Variants in TASOR2 observed in about 807,000 individuals in gnomAD.
TASOR2 encodes the protein protein TASOR 2.
In TASOR2, 84 loss-of-function variants were observed where a neutral mutation model predicts 199.5. The ratio of observed to expected loss-of-function variants is 0.42; its 90% CI spans 0.35 to 0.50. The LOEUF (loss-of-function observed/expected upper bound fraction) is 0.50, where lower values mean the gene tolerates loss of function less well. TASOR2 is among the 20% of genes least tolerant of loss of function. The probability of loss-of-function intolerance (pLI) is 0.02; values close to 1 mark genes in which losing one functional copy is unlikely to be tolerated. For synonymous variants in TASOR2, 1,103 were observed against 1,046.6 expected, an observed-to-expected ratio of 1.05 and a Z score of -1.04; for missense variants, 2,796 against 2,835.9, an observed-to-expected ratio of 0.99 and a Z score of 0.32.
chr10:5,724,576 T>A, intron 8 of TASOR2, 43 bp downstream of exon 9: 1 of 662,770 alleles, frequency 1.5e-6, no homozygotes, highest in South Asian at 2.6e-5. Flanking sequence ...TGTTTTTCTT[T>A]AATTGATATA....
rs1160925173 is a variant in TASOR2, at chr10:5,690,761, A to G, written c.-288+5586A>G. Among the ~76,000 whole-genome samples, 1 of 152,218 alleles carries G rather than the reference A, an allele frequency of 6.6e-6. No homozygotes were observed. The highest frequency in any genetic ancestry group is 1.5e-5 in the Non-Finnish European group (1 of 68,046). On this transcript the variant is annotated intron_variant, in intron 1 of 20. Coordinates refer to ENST00000328090, the Ensembl canonical transcript of TASOR2. This position sits in a 1 kb window ranked among gnomAD's most constrained non-coding sequence, Gnocchi z 4.8. ...TTAATGAATACGATACAACCATTTT[A>G]TACAGGCAAAAGATGGTTTAATGCC... is the stretch of plus-strand genomic sequence containing the variant.
intron 14 of TASOR2, among the ~76,000 whole-genome samples, chr10:5,744,409 T>G (rs551332073): frequency 1.3e-5 from 2 of 152,326 alleles, no homozygotes; most frequent in African/African-American, 2.4e-5. Context: ...TTCAACTGAT[T>G]CTCCTGCCTC....
rs369547597 is a variant in TASOR2 at position 5,739,593 on chromosome 10, CTT to C, written c.1448-16_1448-15del. On this transcript the variant is annotated intron_variant, in intron 12 of 20. Coordinates refer to ENST00000328090, the Ensembl canonical transcript of TASOR2. ...AATTCTATGACAAGCAAACATCTCT[CTT>C]TTTTTTTTCTTTTATACTGAAGTCA... The C allele has an allele frequency of 1.6e-5, 23 of 1,422,888 alleles. 1 individual carries two copies. In the South Asian group the frequency reaches 2.6e-4, roughly 16 times the overall value. The allele number at this position is 1,422,888 out of a possible 1,614,324, so 88.1% of individuals were successfully genotyped here.
At chr10:5,692,359 G>C (rs756992274) in intron 1 of TASOR2, among the ~76,000 whole-genome samples, 6 of 152,192 alleles carry the variant, frequency 3.9e-5, no homozygotes, top group Non-Finnish European at 8.8e-5. Flanking sequence ...GAGATTGATA[G>C]ATATCCTTAC....
intron 14 of TASOR2, chr10:5,743,779 G>A (rs1836767009): frequency 6.6e-6 from 1 of 152,182 alleles, no homozygotes; most frequent in African/African-American, 2.4e-5. Flanking sequence ...ACTAATTTTA[G>A]CAATGATTTT....
chr10:5,701,287 C>T lies in TASOR2; in HGVS notation c.-287-11536C>T, dbSNP rs1387476384. ...AGCTCCTTTGTCGATGATGAGTTGG[C>T]TCTATATGGATTTACACCTGGGTTC... On this transcript the variant is annotated intron_variant, in intron 1 of 20. Coordinates refer to ENST00000328090, the Ensembl canonical transcript of TASOR2. The surrounding 1 kb of genome is among the most constrained non-coding windows in gnomAD (Gnocchi z 4.9). 6.6e-6 allele frequency among the ~76,000 whole-genome samples: 1 copy of T among 152,048 alleles called. No individual in the cohort carries two copies. Among genetic ancestry groups the T allele is most frequent in the African/African-American group, 2.4e-5 (1 of 41,414 alleles).
rs1239277917 is a variant in TASOR2, at chr10:5,710,140, AGT to A, written c.-287-2680_-287-2679del. On this transcript the variant is annotated intron_variant, in intron 1 of 20. Transcript: ENST00000328090. The surrounding 1 kb of genome is among the most constrained non-coding windows in gnomAD (Gnocchi z 4.6). The stretch of plus-strand genomic sequence containing the variant: ...TGCACTGATTGGACTCTCAAATGAA[AGT>A]GTATTTTGTAAAGAAGGGAGAGCGT... Among the ~76,000 whole-genome samples, 1 of 152,162 alleles carries A rather than the reference AGT, an allele frequency of 6.6e-6. No homozygotes were observed. The highest frequency in any genetic ancestry group is 2.4e-5 in the African/African-American group (1 of 41,456).
rs781242761 is a variant in TASOR2, at chr10:5,749,716, A to AACAAACT, written c.6295_6296insACAAACT (p.Ser2099AsnfsTer11). On this transcript the variant is annotated frameshift_variant, in exon 15 of 21. Coordinates refer to ENST00000328090, the Ensembl canonical transcript of TASOR2. LOFTEE classifies it high-confidence loss of function. Reference sequence around the variant, plus strand: ...CCACCTCAACAAACTGAAATACAACAGTACTGTGAAGGAATCTCGGAATGA... The same window carrying AACAAACT: ...CCACCTCAACAAACTGAAATACAACAACAAACTGTACTGTGAAGGAATCTCGGAATGA... The AACAAACT allele has an allele frequency of 1.9e-6, 3 of 1,614,216 alleles. No homozygotes were observed. Among genetic ancestry groups the AACAAACT allele is most frequent in the Non-Finnish European group, 2.5e-6 (3 of 1,180,018 alleles).
At position 5,742,811 on chromosome 10, in the gene TASOR2, T is replaced by C. The variant is rs1836626993; in HGVS notation, c.2757+285T>C. ...CATAATTTGGGGCAAATTGCTTCTT[T>C]GCCTAATTTTTAAAAGAGGTGACTT... On this transcript the variant is annotated intron_variant, in intron 14 of 20. Transcript: ENST00000328090. This position sits in a 1 kb window ranked among gnomAD's most constrained non-coding sequence, Gnocchi z 4.2. Among the ~76,000 whole-genome samples the C allele has an allele frequency of 6.6e-6, 1 of 152,198 alleles. No individual in the cohort carries two copies. The highest frequency in any genetic ancestry group is 1.5e-5 in the Non-Finnish European group (1 of 68,042).
Position 5,699,726 on chromosome 10 carries a change from T to C in TASOR2, c.-287-13097T>C, listed in dbSNP as rs1185919936. Reference sequence around the variant, plus strand: ...ATGGCAAAGATCATAAAAGTAGAAATGAAATTTTATGGTAAGTATATTTTA... The same window carrying C: ...ATGGCAAAGATCATAAAAGTAGAAACGAAATTTTATGGTAAGTATATTTTA... On this transcript the variant is annotated intron_variant, in intron 1 of 20. Coordinates refer to ENST00000328090, the Ensembl canonical transcript of TASOR2. The surrounding 1 kb of genome is among the most constrained non-coding windows in gnomAD (Gnocchi z 4.1). 3 of 773,778 alleles carry C rather than the reference T, an allele frequency of 3.9e-6. No homozygotes were observed. The African/African-American group carries it at 5.6e-5, about 15-fold the overall frequency. The allele number at this position is 773,778 out of a possible 1,614,324, so 47.9% of individuals were successfully genotyped here. A position where few individuals can be genotyped will look rare whatever the true frequency, so the allele number is the denominator to read the frequency against.
At chr10:5,757,589 G>A in exon 17 of TASOR2, 3 of 1,613,636 alleles carry the variant, frequency 1.9e-6, no homozygotes, top group Middle Eastern at 1.7e-4. Flanking sequence ...CCCTGGAGAT[G>A]TTCTTGATCA....
Position 5,710,035 on chromosome 10 carries a change from A to C in TASOR2, c.-287-2788A>C, listed in dbSNP as rs1314666510. On this transcript the variant is annotated intron_variant, in intron 1 of 20. Coordinates refer to ENST00000328090, the Ensembl canonical transcript of TASOR2. This position sits in a 1 kb window ranked among gnomAD's most constrained non-coding sequence, Gnocchi z 4.6. ...CCCTCTTCATTTTCATAGTCTGGTAATCTTGAATGTTTAAATAAAGCTTGA... is the reference window on the plus strand; with the variant it reads ...CCCTCTTCATTTTCATAGTCTGGTACTCTTGAATGTTTAAATAAAGCTTGA... Among the ~76,000 whole-genome samples the C allele has an allele frequency of 1.3e-5, 2 of 152,138 alleles. No homozygotes were observed. Among genetic ancestry groups the C allele is most frequent in the Non-Finnish European group, 2.9e-5 (2 of 68,000 alleles).
At chr10:5,743,647 A>C (rs1286839300) in intron 14 of TASOR2, among the ~76,000 whole-genome samples, 1 of 152,242 alleles carries the variant, frequency 6.6e-6, no homozygotes, top group African/African-American at 2.4e-5. Context: ...CCAGTTAAGA[A>C]TCACCACCTT....
intron 1 of TASOR2, among the ~76,000 whole-genome samples, chr10:5,708,313 T>A (rs1380286872): frequency 6.6e-6 from 1 of 152,192 alleles, no homozygotes; most frequent in Non-Finnish European, 1.5e-5. Flanking sequence ...TGTACACTAG[T>A]TTCCTTTTTT....
rs936530811 is a variant in TASOR2 at position 5,740,683 on chromosome 10, C to A, written c.2327+186C>A. 8.5e-5 allele frequency among the ~76,000 whole-genome samples: 13 copies of A among 152,142 alleles called. No individual in the cohort carries two copies. In the South Asian group the frequency reaches 1.2e-3, roughly 15 times the overall value. ...AATTAAGAGTAACAGGCTGGTTTTC[C>A]CCCTGTGCTCATGTGGAGAAGTTTT... On this transcript the variant is annotated intron_variant, in intron 13 of 20. Transcript: ENST00000328090. The surrounding 1 kb of genome is among the most constrained non-coding windows in gnomAD (Gnocchi z 5.3).
intron 14 of TASOR2, among the ~76,000 whole-genome samples, chr10:5,745,856 C>T (rs1837114003): frequency 6.6e-6 from 1 of 152,012 alleles, no homozygotes; most frequent in South Asian, 2.1e-4. Flanking sequence ...CTGGATTAAG[C>T]GGTGCTAAGT....
In TASOR2 at chr10:5,708,190, T is replaced by C. The variant is rs530828669; in HGVS notation, c.-287-4633T>C. On this transcript the variant is annotated intron_variant, in intron 1 of 20. Transcript: ENST00000328090. Reference sequence around the variant, plus strand: ...TTTGTAATCTTTTTCTTCGTTCTTATTCTTCTCTCCCTTCTTCCCTTAATC... The same window carrying C: ...TTTGTAATCTTTTTCTTCGTTCTTACTCTTCTCTCCCTTCTTCCCTTAATC... Among the ~76,000 whole-genome samples the C allele has an allele frequency of 3.3e-5, 5 of 152,314 alleles. No homozygotes were observed. The East Asian group carries it at 5.8e-4, about 18-fold the overall frequency.
chr10:5,746,805 A>G, exon 15 of TASOR2: 1 of 1,614,230 alleles, frequency 6.2e-7, no homozygotes, highest in Non-Finnish European at 8.5e-7. Flanking sequence ...GTGCCTCGTC[A>G]GTAGGTGGAG....
chr10:5,723,676 G>T lies in TASOR2; in HGVS notation c.147-1G>T. Reference sequence around the variant, plus strand: ...CTTGATACTGTTGTGTTGTTTTTCAGACCGCAGGAACTAGATTTTAAATAT... The same window carrying T: ...CTTGATACTGTTGTGTTGTTTTTCATACCGCAGGAACTAGATTTTAAATAT... On this transcript the variant is annotated splice_acceptor_variant, in intron 6 of 20. Coordinates refer to ENST00000328090, the Ensembl canonical transcript of TASOR2. LOFTEE classifies it high-confidence loss of function. 1 of 1,559,988 alleles carries T rather than the reference G, an allele frequency of 6.4e-7. No individual in the cohort carries two copies. Among genetic ancestry groups the T allele is most frequent in the Non-Finnish European group, 8.7e-7 (1 of 1,147,832 alleles).
Sources: allele counts gnomAD v4.1 joint callset (sites outside exome capture counted in the v4.1 genomes callset), GRCh38; gene constraint gnomAD v4.1.1; non-coding constraint Gnocchi (gnomAD v3.1); transcripts MANE v1.5; gene names NCBI Gene and HGNC (gene_info 2026-07-23, HGNC 2026-07-21).